NDRG3: variants seen among roughly 807,000 people sequenced by gnomAD.
The protein encoded by NDRG3 is protein NDRG3.
Under a neutral mutation model 57.2 loss-of-function variants are expected in NDRG3, and 23 were observed. The ratio of observed to expected loss-of-function variants is 0.40; its 90% confidence interval spans 0.29 to 0.57. The LOEUF is 0.57. Among genes scored for constraint, NDRG3 ranks in the 20% least tolerant of loss-of-function variants. The pLI, the probability that NDRG3 is intolerant of heterozygous loss-of-function variation, is 0.42. For missense variants in NDRG3, 384 were observed against 457.3 expected, an observed-to-expected ratio of 0.84 and a Z score of 1.46; for synonymous variants, 132 against 162.6, an observed-to-expected ratio of 0.81 and a Z score of 1.43.
At chr20:36,666,217 T>C in intron 10 of NDRG3, 72 bp downstream of exon 10, 1 of 1,146,958 alleles carries the variant, frequency 8.7e-7, no homozygotes, top group Non-Finnish European at 1.3e-6. Flanking sequence ...GATACAGTCC[T>C]CTCTCCTTCT....
chr20:36,681,620 A>G (rs963632257), intron 7 of NDRG3, among the ~76,000 whole-genome samples: 2 of 145,888 alleles, frequency 1.4e-5, no homozygotes, highest in Non-Finnish European at 3.0e-5. Flanking sequence ...TGGGCGACAC[A>G]GCAAGACTTC....
chr20:36,743,501 T>A (rs893224154), intron 1 of NDRG3, among the ~76,000 whole-genome samples: 25 of 127,500 alleles, frequency 2.0e-4, no homozygotes, highest in South Asian at 5.2e-4. Flanking sequence ...TCTCAAAAAA[T>A]AATAATAATA....
In NDRG3 at chr20:36,687,612, T is replaced by C; in HGVS notation, c.200A>G (p.His67Arg). The C allele has an allele frequency of 1.9e-6, 3 of 1,612,968 alleles. No homozygotes were observed. Among genetic ancestry groups the C allele is most frequent in the Non-Finnish European group, 2.5e-6 (3 of 1,179,436 alleles). ...ILTYHDIGLN[H>R]KSCFNAFFNF... ...AAAGAATGCATTGAAACAGGATTTA[T>C]CTATAAGAATAAAAATACCCATAAG... Residue 67 changes from histidine to arginine, a missense_variant and splice_region_variant, in exon 5 of 16, where the codon CAT (histidine) becomes CGT (arginine). By Grantham distance (29) the His-to-Arg change is conservative. Transcript: ENST00000349004.
intron 3 of NDRG3, among the ~76,000 whole-genome samples, chr20:36,701,863 TAAAA>T (rs200584072): frequency 8.6e-6 from 1 of 116,150 alleles, no homozygotes; most frequent in African/African-American, 3.2e-5. Context: ...CCTGCATCTT[TAAAA>T]AAAAAAAAAA....
Position 36,671,283 on chromosome 20 carries a change from A to G in NDRG3, c.588+58T>C, listed in dbSNP as rs1980126523. 10 of 1,401,418 alleles carry G rather than the reference A, an allele frequency of 7.1e-6. No homozygotes were observed. The East Asian group carries it at 2.1e-4, about 29-fold the overall frequency. The allele number at this position is 1,401,418 out of a possible 1,614,324, so 86.8% of individuals were successfully genotyped here. ...GGCAGCCCTTCTTTCCTAAGGTAAAATAAGAATTTGCATGCAAGCCAATAA... is the reference window on the plus strand; with the variant it reads ...GGCAGCCCTTCTTTCCTAAGGTAAAGTAAGAATTTGCATGCAAGCCAATAA... On this transcript the variant is annotated intron_variant, in intron 9 of 15. Transcript: ENST00000349004.
intron 1 of NDRG3, among the ~76,000 whole-genome samples, chr20:36,740,994 G>C (rs1013598279): frequency 6.6e-6 from 1 of 151,964 alleles, no homozygotes; most frequent in Admixed American, 6.6e-5. Flanking sequence ...AAGAAAGGTG[G>C]GGGGGGAATC....
At chr20:36,726,904 A>ATCTT (rs779950537) in intron 1 of NDRG3, among the ~76,000 whole-genome samples, 2 of 148,014 alleles carry the variant, frequency 1.4e-5, no homozygotes, top group Admixed American at 6.8e-5. Context: ...TCTGGTAGAT[A>ATCTT]TCTTTCTTTC....
chr20:36,700,535 G>A (rs1283587051), intron 3 of NDRG3: 1 of 525,114 alleles, frequency 1.9e-6, no homozygotes, highest in East Asian at 5.5e-5. Context: ...TGGCTAAGGA[G>A]CTGATTCAGT....
intron 1 of NDRG3, among the ~76,000 whole-genome samples, chr20:36,722,431 C>T (rs552339625): frequency 1.8e-4 from 27 of 152,226 alleles, no homozygotes; most frequent in South Asian, 6.2e-4. Flanking sequence ...ACTACATTTG[C>T]GGTAATATTT....
chr20:36,668,728 T>C lies in NDRG3; in HGVS notation c.589-2336A>G, dbSNP rs6028667. 5.3e-5 allele frequency: 8 copies of C among 151,814 alleles called. No homozygotes were observed. The East Asian group carries it at 1.5e-3, about 29-fold the overall frequency. The allele number at this position is 151,814 out of a possible 1,614,324, so 9.4% of individuals were successfully genotyped here. A position where few individuals can be genotyped will look rare whatever the true frequency, so the allele number is the denominator to read the frequency against. ...CTTATGACAATCCACTATGACCTCA[T>C]ATGTTTTAAATTAAACATATATTTT... is the stretch of plus-strand genomic sequence containing the variant. On this transcript the variant is annotated intron_variant, in intron 9 of 15. Coordinates refer to ENST00000349004, the MANE Select transcript of NDRG3 (RefSeq NM_032013.4).
chr20:36,722,521 T>C (rs1374005500), intron 1 of NDRG3, among the ~76,000 whole-genome samples: 1 of 152,138 alleles, frequency 6.6e-6, no homozygotes, highest in Non-Finnish European at 1.5e-5. Flanking sequence ...TGAAGACGGA[T>C]AAAGAAACAA....
At chr20:36,698,341 G>A (rs1240027504) in intron 3 of NDRG3, among the ~76,000 whole-genome samples, 1 of 151,590 alleles carries the variant, frequency 6.6e-6, no homozygotes, top group Non-Finnish European at 1.5e-5. Flanking sequence ...TGTAATCCCA[G>A]CACTTTGGGA....
At chr20:36,713,779 T>C (rs1311377216) in intron 2 of NDRG3, among the ~76,000 whole-genome samples, 1 of 152,118 alleles carries the variant, frequency 6.6e-6, no homozygotes, top group Non-Finnish European at 1.5e-5. Context: ...ATAGAGATAC[T>C]TGATTTGAGG....
intron 1 of NDRG3, among the ~76,000 whole-genome samples, chr20:36,731,994 G>A (rs1466416494): frequency 6.6e-6 from 1 of 151,814 alleles, no homozygotes; most frequent in African/African-American, 2.4e-5. Flanking sequence ...GATGGTATGT[G>A]CCTGTAGTAT....
At chr20:36,698,651 T>C (rs1983000956) in intron 3 of NDRG3, among the ~76,000 whole-genome samples, 1 of 151,962 alleles carries the variant, frequency 6.6e-6, no homozygotes, top group African/African-American at 2.4e-5. Flanking sequence ...AAACCTGTGT[T>C]GGTCAAGGGT....
intron 3 of NDRG3, among the ~76,000 whole-genome samples, chr20:36,702,237 C>G (rs1038108097): frequency 6.6e-6 from 1 of 151,538 alleles, no homozygotes; most frequent in African/African-American, 2.4e-5. Flanking sequence ...CCTGGGTTCA[C>G]GCCATTCTCC....
chr20:36,729,559 GCT>G lies in NDRG3; in HGVS notation c.-48-7778_-48-7777del, dbSNP rs1185711238. ...TTTTTTTTTTTTGAGACAGAGTTTGGCTCTGTCACCCAGGCTAGAGTGCAGTG... is the reference window on the plus strand; with the variant it reads ...TTTTTTTTTTTTGAGACAGAGTTTGGCTGTCACCCAGGCTAGAGTGCAGTG... On this transcript the variant is annotated intron_variant, in intron 1 of 15. Coordinates refer to ENST00000349004, the MANE Select transcript of NDRG3 (RefSeq NM_032013.4). Among the ~76,000 whole-genome samples, 8 of 151,832 alleles carry G rather than the reference GCT, an allele frequency of 5.3e-5. No homozygotes were observed. In the East Asian group the frequency reaches 1.6e-3, roughly 30 times the overall value.
At chr20:36,736,015 C>A (rs1985592704) in intron 1 of NDRG3, among the ~76,000 whole-genome samples, 1 of 149,074 alleles carries the variant, frequency 6.7e-6, no homozygotes, top group African/African-American at 2.5e-5. Context: ...CAGGAGACAC[C>A]AAGAACAATA....
At chr20:36,677,670 A>G (rs948208544) in intron 8 of NDRG3, among the ~76,000 whole-genome samples, 1 of 152,144 alleles carries the variant, frequency 6.6e-6, no homozygotes, top group African/African-American at 2.4e-5. Context: ...TGTGGAAAGG[A>G]ACCACCTTCT....
Sources: gnomAD v4.1 joint callset for allele counts (sites outside exome capture counted in the v4.1 genomes callset) on GRCh38, gnomAD v4.1.1 for gene constraint, MANE v1.5 for transcripts, NCBI Gene and HGNC (gene_info 2026-07-23, HGNC 2026-07-21) for gene names.